TTC12: variants seen among roughly 807,000 people sequenced by gnomAD.
TTC12 encodes the protein tetratricopeptide repeat protein 12.
TTC12 carries 70 observed loss-of-function variants against 90.1 expected under a neutral mutation model. The ratio of observed to expected loss-of-function variants is 0.78; its 90% CI spans 0.64 to 0.95. The LOEUF (loss-of-function observed/expected upper bound fraction) is 0.95, where lower values mean the gene tolerates loss of function less well. TTC12 is among the 40% of genes least tolerant of loss of function. The pLI is 0.00. For missense variants in TTC12, 819 were observed against 846.1 expected (o/e 0.97, Z 0.40); for synonymous variants, 296 against 311.5 (o/e 0.95, Z 0.53).
At chr11:113,350,204 A>G in intron 14 of TTC12, 39 bp downstream of exon 14, 2 of 1,454,140 alleles carry the variant, frequency 1.4e-6, no homozygotes, top group South Asian at 2.3e-5. Flanking sequence ...TTTCTTCTTC[A>G]GTCTTTGTTG....
At chr11:113,368,738 T>A, downstream of TTC12, 1 of 547,644 alleles carries the variant, frequency 1.8e-6, no homozygotes, top group South Asian at 2.6e-5. Context: ...AACACTTTTT[T>A]AAGGATAGGT....
intron 7 of TTC12, 33 bp downstream of exon 7, chr11:113,330,012 GT>G: frequency 6.4e-7 from 1 of 1,568,404 alleles, no homozygotes; most frequent in Non-Finnish European, 8.8e-7. Flanking sequence ...ACATGATAGT[GT>G]TGGGCTGAAG....
chr11:113,362,276 A>G (rs1949978343), intron 18 of TTC12, 125 bp from the exon 19 acceptor site: 1 of 661,606 alleles, frequency 1.5e-6, no homozygotes, highest in South Asian at 1.9e-5. Flanking sequence ...TTTGGCCATC[A>G]TATTTTTTAT....
At chr11:113,333,790 A>T (rs1001927269) in intron 7 of TTC12, among the ~76,000 whole-genome samples, 1 of 152,070 alleles carries the variant, frequency 6.6e-6, no homozygotes, top group African/African-American at 2.4e-5. Flanking sequence ...GTATCTCTAA[A>T]AGCTTCTCCA....
At chr11:113,336,921 C>T (rs1410724725) in intron 8 of TTC12, among the ~76,000 whole-genome samples, 1 of 152,160 alleles carries the variant, frequency 6.6e-6, no homozygotes, top group Non-Finnish European at 1.5e-5. Flanking sequence ...TACATGAATT[C>T]ATAAATCAAT....
intron 6 of TTC12, among the ~76,000 whole-genome samples, chr11:113,326,560 T>TA (rs1344593588): frequency 1.3e-5 from 2 of 152,126 alleles, no homozygotes; most frequent in Non-Finnish European, 2.9e-5. Flanking sequence ...GGAAGAGGAC[T>TA]GGAAGCAAGA....
chr11:113,336,944 G>C lies in TTC12; in HGVS notation c.577-1830G>C, dbSNP rs1025802756. Among the ~76,000 whole-genome samples, 3 of 152,266 alleles carry C rather than the reference G, an allele frequency of 2.0e-5. No homozygotes were observed. The South Asian group carries it at 6.2e-4, about 32-fold the overall frequency. ...TTCATAAATCAATTTGGCAAGTACT[G>C]CTATCTAAACAATATTAAGTCCTCC... On this transcript the variant is annotated intron_variant, in intron 8 of 21. Transcript: ENST00000529221.
At chr11:113,359,759 G>T (rs1317880514) in intron 17 of TTC12, among the ~76,000 whole-genome samples, 181 bp from the exon 18 acceptor site, 1 of 152,214 alleles carries the variant, frequency 6.6e-6, no homozygotes, top group Non-Finnish European at 1.5e-5. Flanking sequence ...TCAGGGTAAT[G>T]CCCTGGAGTT....
chr11:113,322,120 C>T (rs782294826), intron 2 of TTC12, among the ~76,000 whole-genome samples: 10 of 152,206 alleles, frequency 6.6e-5, no homozygotes, highest in Admixed American at 3.3e-4. Context: ...ATATTACTTT[C>T]GGTATGCTTG....
chr11:113,368,620 T>C (rs1021708254), downstream of TTC12: 4 of 938,664 alleles, frequency 4.3e-6, no homozygotes, highest in African/African-American at 4.9e-5. Flanking sequence ...ATACATGACG[T>C]GAGGACGGTG....
intron 7 of TTC12, among the ~76,000 whole-genome samples, chr11:113,332,262 G>A (rs947210960): frequency 6.6e-5 from 10 of 152,298 alleles, no homozygotes; most frequent in African/African-American, 1.9e-4. Flanking sequence ...GAAAATTCTC[G>A]TGAGGGTCGA....
At chr11:113,358,774 A>T (rs1194752601) in intron 16 of TTC12, among the ~76,000 whole-genome samples, 5 of 151,932 alleles carry the variant, frequency 3.3e-5, no homozygotes, top group African/African-American at 1.2e-4. Flanking sequence ...GGTCAAGGGG[A>T]TTTCTCCTGC....
chr11:113,320,907 G>A (rs1947278381), intron 2 of TTC12, among the ~76,000 whole-genome samples: 1 of 152,162 alleles, frequency 6.6e-6, no homozygotes, highest in African/African-American at 2.4e-5. Flanking sequence ...ACCAGGCATG[G>A]TGGTGTGTGC....
At chr11:113,350,236 G>C (rs1331630883) in intron 14 of TTC12, 71 bp downstream of exon 14, 4 of 1,246,918 alleles carry the variant, frequency 3.2e-6, no homozygotes, top group Non-Finnish European at 4.7e-6. Flanking sequence ...CTTTAAAAAT[G>C]TGCTGTATTC....
At chr11:113,368,442 T>C, downstream of TTC12, 1 of 1,550,542 alleles carries the variant, frequency 6.4e-7, no homozygotes, top group Non-Finnish European at 8.7e-7. Flanking sequence ...GACACCACCC[T>C]TGGAGACACG....
chr11:113,318,973 G>C (rs941590021), intron 2 of TTC12, among the ~76,000 whole-genome samples: 1 of 152,020 alleles, frequency 6.6e-6, no homozygotes, highest in African/African-American at 2.4e-5. Context: ...CCCCCAAGGA[G>C]GTGGAGCATC....
chr11:113,333,033 C>T (rs1948151470), intron 7 of TTC12, among the ~76,000 whole-genome samples: 1 of 152,166 alleles, frequency 6.6e-6, no homozygotes, highest in African/African-American at 2.4e-5. Context: ...TTGTTCTGGT[C>T]TCCTTACTCA....
chr11:113,338,069 T>TTTGTTG (rs148118958), intron 8 of TTC12, among the ~76,000 whole-genome samples: 11 of 151,166 alleles, frequency 7.3e-5, no homozygotes, highest in Admixed American at 5.9e-4. Context: ...TCAGAACTGT[T>TTTGTTG]TTGTTGTTGT....
intron 7 of TTC12, among the ~76,000 whole-genome samples, chr11:113,334,573 T>A (rs569431323): frequency 6.6e-6 from 1 of 151,900 alleles, no homozygotes; most frequent in African/African-American, 2.4e-5. Context: ...CTTAAAAAAT[T>A]ATTGATGCCT....
Sources: gnomAD v4.1 joint callset for allele counts (sites outside exome capture counted in the v4.1 genomes callset) on GRCh38, gnomAD v4.1.1 for gene constraint, MANE v1.5 for transcripts, NCBI Gene and HGNC (gene_info 2026-07-23, HGNC 2026-07-21) for gene names.